Variants in LGSN observed in about 807,000 individuals in gnomAD.
The protein encoded by LGSN is lengsin, lens protein with glutamine synthetase domain.
Under a neutral mutation model 19.5 loss-of-function variants are expected in LGSN, and 21 were observed. That is an observed-to-expected ratio of 1.07 (90% confidence interval 0.76 to 1.55). The LOEUF (loss-of-function observed/expected upper bound fraction) is 1.55. Among genes scored for constraint, LGSN ranks in the 40% most tolerant of loss-of-function variants. The probability of loss-of-function intolerance (pLI) is 0.00; values close to 1 mark genes in which losing one functional copy is unlikely to be tolerated. For synonymous variants in LGSN, 257 were observed against 215.6 expected (o/e 1.19, Z -1.68); for missense variants, 673 against 608.5 (o/e 1.11, Z -1.12).
the LGSN span, chr6:63,528,089 G>C: frequency 6.6e-6 from 1 of 152,234 alleles, no homozygotes. Context: ...AGGCAGGTAA[G>C]TGTGACTTCC....
the LGSN span, among the ~76,000 whole-genome samples, chr6:63,525,358 G>A: frequency 6.6e-6 from 1 of 152,138 alleles, no homozygotes; most frequent in Non-Finnish European, 1.5e-5. Context: ...CTGCCAATGG[G>A]GGAGCTAGAG....
At chr6:63,386,246 G>C in the LGSN span, among the ~76,000 whole-genome samples, 1 of 152,272 alleles carries the variant, frequency 6.6e-6, no homozygotes, top group South Asian at 2.1e-4. Context: ...TGAATACATA[G>C]AGCTTAATCT....
the LGSN span, among the ~76,000 whole-genome samples, chr6:63,486,560 A>T: frequency 6.6e-6 from 1 of 152,192 alleles, no homozygotes; most frequent in African/African-American, 2.4e-5. Flanking sequence ...ATGCAGAGGT[A>T]GGCCCAGGCA....
the LGSN span, among the ~76,000 whole-genome samples, chr6:63,488,116 G>T: frequency 6.6e-6 from 1 of 152,010 alleles, no homozygotes; most frequent in African/African-American, 2.4e-5. Context: ...ATATCCAGCT[G>T]CTTTTCTGAC....
At chr6:63,495,322 C>T in the LGSN span, among the ~76,000 whole-genome samples, 3 of 152,018 alleles carry the variant, frequency 2.0e-5, no homozygotes. Context: ...AGAAGCTGAG[C>T]AACTTTTCCT....
chr6:63,506,024 G>A, the LGSN span, among the ~76,000 whole-genome samples: 1 of 152,172 alleles, frequency 6.6e-6, no homozygotes, highest in Non-Finnish European at 1.5e-5. Context: ...GTTAAACTGA[G>A]GGAGGCAGTT....
chr6:63,494,487 T>C, the LGSN span, among the ~76,000 whole-genome samples: 1 of 152,182 alleles, frequency 6.6e-6, no homozygotes, highest in African/African-American at 2.4e-5. Context: ...CTCTATAATT[T>C]TGTGGCTCAA....
chr6:63,456,374 T>TAC, the LGSN span, among the ~76,000 whole-genome samples: 1 of 113,622 alleles, frequency 8.8e-6, no homozygotes, highest in Admixed American at 9.0e-5. Context: ...TATATATATA[T>TAC]ATATATATAT....
intron 2 of LGSN, among the ~76,000 whole-genome samples, chr6:63,287,728 G>T (rs1767600123): frequency 6.6e-6 from 1 of 151,822 alleles, no homozygotes; most frequent in South Asian, 2.1e-4. Flanking sequence ...TAATAATATG[G>T]AAATTTTTAG....
chr6:63,335,218 G>T, the LGSN span, among the ~76,000 whole-genome samples: 11 of 151,276 alleles, frequency 7.3e-5, no homozygotes, highest in African/African-American at 2.7e-4. Flanking sequence ...CTGGATGACT[G>T]TATGCCAAAG....
chr6:63,289,010 G>A (rs1373614572), intron 2 of LGSN, among the ~76,000 whole-genome samples: 2 of 152,164 alleles, frequency 1.3e-5, no homozygotes, highest in African/African-American at 2.4e-5. Context: ...TTTCTTCAGT[G>A]TCCAAATTGG....
At chr6:63,473,845 G>A in the LGSN span, among the ~76,000 whole-genome samples, 1 of 146,980 alleles carries the variant, frequency 6.8e-6, no homozygotes, top group Non-Finnish European at 1.5e-5. Flanking sequence ...ATTGTCCTTG[G>A]TTATACCTGC....
chr6:63,407,331 A>G, the LGSN span, among the ~76,000 whole-genome samples: 1 of 152,126 alleles, frequency 6.6e-6, no homozygotes, highest in Non-Finnish European at 1.5e-5. Context: ...CTTATCCACC[A>G]TGATCAAGTG....
chr6:63,379,874 G>A, the LGSN span, among the ~76,000 whole-genome samples: 2 of 151,724 alleles, frequency 1.3e-5, no homozygotes, highest in Non-Finnish European at 2.9e-5. Flanking sequence ...TCTTGGTCTT[G>A]TTGCCCAGGC....
the LGSN span, among the ~76,000 whole-genome samples, chr6:63,416,030 G>A: frequency 6.6e-6 from 1 of 151,520 alleles, no homozygotes; most frequent in African/African-American, 2.4e-5. Flanking sequence ...CCTGACCATT[G>A]AGAAGAGAAG....
the LGSN span, among the ~76,000 whole-genome samples, chr6:63,541,080 A>G: frequency 6.6e-6 from 1 of 152,144 alleles, no homozygotes; most frequent in Non-Finnish European, 1.5e-5. Flanking sequence ...AGAAATCCTC[A>G]CAGAATGAAT....
the LGSN span, among the ~76,000 whole-genome samples, chr6:63,390,631 C>T: frequency 6.0e-5 from 9 of 150,744 alleles, no homozygotes; most frequent in East Asian, 2.0e-4. Flanking sequence ...CCGAGGCGGG[C>T]GGATCACGAG....
intron 1 of LGSN, among the ~76,000 whole-genome samples, chr6:63,307,316 C>T (rs1234649201): frequency 3.3e-5 from 5 of 152,168 alleles, no homozygotes; most frequent in African/African-American, 1.2e-4. Context: ...AGTGACAAAG[C>T]TCAGATTTGA....
the LGSN span, among the ~76,000 whole-genome samples, chr6:63,457,149 G>A: frequency 2.6e-5 from 4 of 152,210 alleles, no homozygotes; most frequent in East Asian, 5.8e-4. Context: ...CCAAATATTG[G>A]TTTGACTGAT....
Sources: gnomAD v4.1 joint callset for allele counts (sites outside exome capture counted in the v4.1 genomes callset) on GRCh38, gnomAD v4.1.1 for gene constraint, MANE v1.5 for transcripts, NCBI Gene and HGNC (gene_info 2026-07-23, HGNC 2026-07-21) for gene names.